Variants in GRIN2A observed in about 807,000 individuals in gnomAD.
The protein encoded by GRIN2A is glutamate receptor ionotropic, NMDA 2A.
In GRIN2A, 22 loss-of-function variants were observed where a neutral mutation model predicts 113.4. The observed-to-expected ratio is 0.19, with a 90% CI of 0.14 to 0.28. The LOEUF is 0.28. GRIN2A is among the 10% of genes least tolerant of loss of function. The pLI, the probability that GRIN2A is intolerant of heterozygous loss-of-function variation, is 1.00. For missense variants in GRIN2A, 1,502 were observed against 1,887.0 expected, an observed-to-expected ratio of 0.80 and a Z score of 3.78; for synonymous variants, 827 against 738.4, an observed-to-expected ratio of 1.12 and a Z score of -1.94.
At chr16:10,112,352 G>A (rs2048634086) in intron 2 of GRIN2A, 3 of 657,004 alleles carry the variant, frequency 4.6e-6, no homozygotes, top group East Asian at 2.6e-5. Context: ...ATGTAGTTAT[G>A]GGCTGCAGCT....
At chr16:9,780,018 G>A (rs1322227509) in intron 11 of GRIN2A, among the ~76,000 whole-genome samples, 1 of 152,180 alleles carries the variant, frequency 6.6e-6, no homozygotes, top group African/African-American at 2.4e-5. Flanking sequence ...GCAAGAATCT[G>A]GATCTCTAAA....
At chr16:9,818,579 T>A (rs1382653041) in intron 10 of GRIN2A, among the ~76,000 whole-genome samples, 2 of 150,850 alleles carry the variant, frequency 1.3e-5, no homozygotes, top group East Asian at 1.9e-4. Context: ...GTCCAATATA[T>A]AAATTAATAA....
intron 2 of GRIN2A, among the ~76,000 whole-genome samples, chr16:9,978,553 C>T (rs920302372): frequency 2.6e-5 from 4 of 152,102 alleles, no homozygotes; most frequent in African/African-American, 9.7e-5. Context: ...CCCTTTCCTC[C>T]CCATCCTCCT....
In GRIN2A at chr16:10,083,913, C is replaced by A. The variant is rs147139340; in HGVS notation, c.414+96085G>T. Among the ~76,000 whole-genome samples, 857 of 152,212 alleles carry A rather than the reference C, an allele frequency of 5.6e-3. 2 individuals are homozygous for A. Among genetic ancestry groups the A allele is most frequent in the Non-Finnish European group, 9.4e-3 (638 of 68,018 alleles). ...GCTCAGGAGTTTAAGATCAGCCTGG[C>A]CAACATGGTGAAACCCTGTCTCTAC... On this transcript the variant is annotated intron_variant, in intron 2 of 12. Coordinates refer to ENST00000330684, the MANE Select transcript of GRIN2A (RefSeq NM_001134407.3).
intron 2 of GRIN2A, among the ~76,000 whole-genome samples, chr16:10,130,785 C>A (rs186555483): frequency 2.0e-5 from 3 of 152,126 alleles, no homozygotes; most frequent in Non-Finnish European, 4.4e-5. Context: ...TAAGGGAGTT[C>A]GGGAGCAGCC....
At chr16:9,771,345 A>G (rs866194655) in intron 11 of GRIN2A, among the ~76,000 whole-genome samples, 8 of 150,576 alleles carry the variant, frequency 5.3e-5, no homozygotes, top group Non-Finnish European at 8.9e-5. Flanking sequence ...TTTTCCCGTT[A>G]ATTTATTCTT....
chr16:10,038,986 G>A (rs2047089975), intron 2 of GRIN2A, among the ~76,000 whole-genome samples: 1 of 151,888 alleles, frequency 6.6e-6, no homozygotes, highest in African/African-American at 2.4e-5. Context: ...AAGCCCCCTG[G>A]CCCCCTCATC....
chr16:9,822,438 G>A lies in GRIN2A; in HGVS notation c.2008-14C>T, dbSNP rs375126711. ...AGGTCTCTGAAACTGGAGAGAGAAC[G>A]AGAAAGGAAGAGAGAGAGTAGGAAA... is the stretch of plus-strand genomic sequence containing the variant. On this transcript the variant is annotated splice_polypyrimidine_tract_variant and intron_variant, in intron 9 of 12. Coordinates refer to ENST00000330684, the MANE Select transcript of GRIN2A (RefSeq NM_001134407.3). The A allele has an allele frequency of 2.7e-5, 42 of 1,548,324 alleles. No individual in the cohort carries two copies. The African/African-American group carries it at 2.7e-4, about 10-fold the overall frequency.
At chr16:10,136,291 A>G (rs1477371706) in intron 2 of GRIN2A, among the ~76,000 whole-genome samples, 3 of 152,136 alleles carry the variant, frequency 2.0e-5, no homozygotes, top group African/African-American at 7.2e-5. Context: ...CACCTCTTCA[A>G]CAGATGAAGG....
intron 2 of GRIN2A, among the ~76,000 whole-genome samples, chr16:9,963,035 A>G (rs1278220106): frequency 2.0e-5 from 3 of 147,290 alleles, no homozygotes; most frequent in African/African-American, 7.5e-5. Context: ...AAAACCAAAC[A>G]CCACATGTTC....
At chr16:9,995,951 A>T (rs1169367357) in intron 2 of GRIN2A, among the ~76,000 whole-genome samples, 1 of 144,572 alleles carries the variant, frequency 6.9e-6, no homozygotes, top group African/African-American at 2.5e-5. Context: ...ACCAAGAGTG[A>T]GCAAAGAGGT....
chr16:9,921,693 C>T (rs1446069190), intron 3 of GRIN2A, among the ~76,000 whole-genome samples: 1 of 152,150 alleles, frequency 6.6e-6, no homozygotes, highest in Non-Finnish European at 1.5e-5. Context: ...ATGCTGGGTG[C>T]TGGTGCACAA....
chr16:10,095,983 T>C (rs1421904604), intron 2 of GRIN2A, among the ~76,000 whole-genome samples: 1 of 152,150 alleles, frequency 6.6e-6, no homozygotes, highest in East Asian at 1.9e-4. Context: ...AGCTTGAAAA[T>C]ATATCTACTC....
intron 2 of GRIN2A, among the ~76,000 whole-genome samples, chr16:10,133,723 G>A (rs919936941): frequency 1.4e-4 from 21 of 152,128 alleles, no homozygotes; most frequent in African/African-American, 4.6e-4. Flanking sequence ...TCCCTCCTGG[G>A]TCAAAGTTTC....
intron 2 of GRIN2A, among the ~76,000 whole-genome samples, chr16:10,152,106 C>T (rs1054059575): frequency 6.6e-6 from 1 of 152,192 alleles, no homozygotes; most frequent in Non-Finnish European, 1.5e-5. Context: ...GAAGCCAGTA[C>T]AATAGTGGTC....
chr16:9,830,357 A>C (rs1239819578), intron 8 of GRIN2A, among the ~76,000 whole-genome samples: 1 of 152,184 alleles, frequency 6.6e-6, no homozygotes, highest in African/African-American at 2.4e-5. Flanking sequence ...TAAGATTCTT[A>C]AATGTTCCTT....
intron 2 of GRIN2A, among the ~76,000 whole-genome samples, chr16:10,022,855 T>A (rs1169387143): frequency 1.3e-5 from 2 of 152,178 alleles, no homozygotes; most frequent in African/African-American, 4.8e-5. Context: ...ACAATGACAC[T>A]GTTCTCAAGA....
intron 2 of GRIN2A, among the ~76,000 whole-genome samples, chr16:10,003,551 T>C (rs2046356807): frequency 6.6e-6 from 1 of 152,204 alleles, no homozygotes; most frequent in African/African-American, 2.4e-5. Context: ...AGTGGGAGTA[T>C]ACCAAGTAGA....
intron 2 of GRIN2A, among the ~76,000 whole-genome samples, chr16:10,077,555 G>A (rs567388563): frequency 6.6e-6 from 1 of 152,292 alleles, no homozygotes; most frequent in East Asian, 1.9e-4. Flanking sequence ...TATCAACAGT[G>A]AAGCCAGAAT....
Sources: allele counts gnomAD v4.1 joint callset (sites outside exome capture counted in the v4.1 genomes callset), GRCh38; gene constraint gnomAD v4.1.1; transcripts MANE v1.5; gene names NCBI Gene and HGNC (gene_info 2026-07-23, HGNC 2026-07-21).